The following ATXN10 variants were observed in gnomAD, a reference collection of about 807,000 sequenced individuals.
ATXN10 encodes ataxin 10.
In ATXN10, 28 loss-of-function variants were observed where a neutral mutation model predicts 52.9. The ratio of observed to expected loss-of-function variants is 0.53; its 90% CI spans 0.39 to 0.73. The LOEUF is 0.73. Among genes scored for constraint, ATXN10 ranks in the 30% least tolerant of loss-of-function variants. The pLI is 0.00. For missense variants in ATXN10, 565 were observed against 577.0 expected (o/e 0.98, Z 0.21); for synonymous variants, 226 against 221.5 (o/e 1.02, Z -0.18).
intron 1 of ATXN10, 93 bp from the exon 2 acceptor site, chr22:45,689,619 C>T (rs1029533897): frequency 1.8e-6 from 2 of 1,106,004 alleles, no homozygotes; most frequent in Admixed American, 1.8e-5. Context: ...AGCGTACCTC[C>T]CCACAATAGT....
chr22:45,729,860 A>G (rs1925021185), intron 7 of ATXN10: 2 of 441,998 alleles, frequency 4.5e-6, no homozygotes, highest in Non-Finnish European at 8.4e-6. Flanking sequence ...ATGTGCACAT[A>G]TGTATCTATT....
In ATXN10 at chr22:45,716,782, A is replaced by G. The variant is rs1181816466; in HGVS notation, c.648-1631A>G. On this transcript the variant is annotated intron_variant, in intron 5 of 11. Transcript: ENST00000252934. ...ATGACAGAAATCAATGAAACATAAG[A>G]CAAAAACAATAGAAAAAATTCACAA... Among the ~76,000 whole-genome samples, 3 of 152,230 alleles carry G rather than the reference A, an allele frequency of 2.0e-5. No homozygotes were observed. The East Asian group carries it at 5.8e-4, about 29-fold the overall frequency.
chr22:45,702,847 C>T lies in ATXN10; in HGVS notation c.647C>T (p.Pro216Leu), dbSNP rs761326302. The T allele has an allele frequency of 6.4e-5, 103 of 1,613,544 alleles. No homozygotes were observed. The Admixed American group carries it at 9.0e-4, about 14-fold the overall frequency. Residue 216 changes from proline (P) to leucine (L), a missense_variant and splice_region_variant, in exon 5 of 12, where the codon CCG becomes CTG. Pro to Leu is a moderately conservative substitution (Grantham distance 98). Transcript: ENST00000252934. ...AYQKHPESEW[P>L]FLIITDLFLK... is the part of the protein sequence containing the mutation. ...CAAAAACATCCTGAATCAGAATGGC[C>T]GTAAGTATCTTGTTAGAAATTTGAT...
chr22:45,675,893 T>C (rs1235169373), intron 1 of ATXN10: 2 of 152,212 alleles, frequency 1.3e-5, no homozygotes, highest in Non-Finnish European at 2.9e-5. Context: ...TCATATAATA[T>C]CAGTATTGAG....
chr22:45,698,299 C>T (rs1411662011), intron 3 of ATXN10, among the ~76,000 whole-genome samples: 1 of 152,172 alleles, frequency 6.6e-6, no homozygotes, highest in East Asian at 1.9e-4. Context: ...CTTGCTGACT[C>T]TTTCTTTCTG....
chr22:45,830,037 C>G (rs898382206), intron 10 of ATXN10, among the ~76,000 whole-genome samples: 1 of 152,154 alleles, frequency 6.6e-6, no homozygotes, highest in Non-Finnish European at 1.5e-5. Flanking sequence ...ACTAGTGGGA[C>G]AGAATAGAGA....
chr22:45,758,920 A>G (rs1271088590), intron 9 of ATXN10, among the ~76,000 whole-genome samples: 1 of 152,246 alleles, frequency 6.6e-6, no homozygotes, highest in Non-Finnish European at 1.5e-5. Flanking sequence ...TTATGGAGTC[A>G]TAAATCATGA....
chr22:45,807,368 A>G (rs537596672), intron 10 of ATXN10, among the ~76,000 whole-genome samples: 1 of 152,272 alleles, frequency 6.6e-6, no homozygotes, highest in East Asian at 1.9e-4. Context: ...AGTAGACACG[A>G]ACTATGGCAT....
chr22:45,693,645 T>C (rs146685045), intron 3 of ATXN10, among the ~76,000 whole-genome samples: 3 of 152,304 alleles, frequency 2.0e-5, no homozygotes, highest in Non-Finnish European at 2.9e-5. Context: ...GGCACAGATA[T>C]TCAGATCATA....
chr22:45,755,198 A>C (rs750348781), intron 9 of ATXN10, among the ~76,000 whole-genome samples: 23 of 152,206 alleles, frequency 1.5e-4, no homozygotes, highest in Non-Finnish European at 2.6e-4. Context: ...CCATTCAGAT[A>C]GTCAGAGGTG....
chr22:45,687,848 C>G (rs554993873), intron 1 of ATXN10, among the ~76,000 whole-genome samples: 8 of 152,248 alleles, frequency 5.3e-5, no homozygotes, highest in Admixed American at 2.6e-4. Flanking sequence ...ATCACGAGAT[C>G]GGGAGTTCGA....
chr22:45,694,053 C>T (rs1923489280), intron 3 of ATXN10, among the ~76,000 whole-genome samples: 1 of 152,102 alleles, frequency 6.6e-6, no homozygotes, highest in Admixed American at 6.5e-5. Context: ...CCTTAGAGAA[C>T]TCACATTCCG....
In ATXN10 at chr22:45,750,895, G is replaced by A. The variant is rs755757630; in HGVS notation, c.1173+10357G>A. On this transcript the variant is annotated intron_variant, in intron 9 of 11. Coordinates refer to ENST00000252934, the MANE Select transcript of ATXN10 (RefSeq NM_013236.4). The surrounding 1 kb of genome is among the most constrained non-coding windows in gnomAD (Gnocchi z 4.2). ...CCATGATAAGAAGAGAACATGCTCC[G>A]TTCATTAGTGATTGTAGTAATTCTT... is the stretch of plus-strand genomic sequence containing the variant. 2.6e-5 allele frequency among the ~76,000 whole-genome samples: 4 copies of A among 151,890 alleles called. No homozygotes were observed. The highest frequency in any genetic ancestry group is 9.7e-5 in the African/African-American group (4 of 41,388).
chr22:45,676,508 T>A (rs1922697119), intron 1 of ATXN10: 1 of 151,796 alleles, frequency 6.6e-6, no homozygotes, highest in Admixed American at 6.5e-5. Flanking sequence ...TGAGACAGTT[T>A]CACTCTTGTT....
At chr22:45,807,525 G>C (rs1047093449) in intron 10 of ATXN10, among the ~76,000 whole-genome samples, 1 of 152,232 alleles carries the variant, frequency 6.6e-6, no homozygotes, top group Non-Finnish European at 1.5e-5. Context: ...CATCTTCGGA[G>C]GGTTTGTCCT....
chr22:45,775,712 G>A lies in ATXN10; in HGVS notation c.1174-31247G>A, dbSNP rs923521440. On this transcript the variant is annotated intron_variant, in intron 9 of 11. Coordinates refer to ENST00000252934, the MANE Select transcript of ATXN10 (RefSeq NM_013236.4). The surrounding 1 kb of genome is among the most constrained non-coding windows in gnomAD (Gnocchi z 4.7). ...TGAGAGAGATTTAGTGAAAAACAGC[G>A]GTTGAGTAGTTTCCATGCTTCAAGT... Among the ~76,000 whole-genome samples the A allele has an allele frequency of 6.6e-6, 1 of 152,116 alleles. No homozygotes were observed. The highest frequency in any genetic ancestry group is 2.4e-5 in the African/African-American group (1 of 41,404).
intron 5 of ATXN10, among the ~76,000 whole-genome samples, chr22:45,714,035 G>A (rs958348416): frequency 2.6e-5 from 4 of 152,176 alleles, no homozygotes; most frequent in Admixed American, 1.3e-4. Flanking sequence ...CAAAAGGAAT[G>A]TACTGTTATA....
Position 45,689,771 on chromosome 22 carries a change from A to G in ATXN10, c.176A>G (p.His59Arg), listed in dbSNP as rs535668940. ...CTGGATATCCTAAAGAAATCTTCTC[A>G]TGCTGTTGAGCTTGCCTGCAGAGAT... is the stretch of plus-strand genomic sequence containing the variant. ...RVLDILKKSSHAVELACRDPS... is the reference protein window; with the variant it reads ...RVLDILKKSSRAVELACRDPS... Residue 59 changes from histidine (H) to arginine (R), a missense_variant, in exon 2 of 12, where the codon CAT (histidine) becomes CGT (arginine). Physicochemically the swap from His to Arg is conservative, Grantham distance 29. Transcript: ENST00000252934. 1 of 1,614,200 alleles carries G rather than the reference A, an allele frequency of 6.2e-7. No individual in the cohort carries two copies. The highest frequency in any genetic ancestry group is 1.3e-5 in the African/African-American group (1 of 75,056).
Position 45,763,924 on chromosome 22 carries a change from G to C in ATXN10, c.1173+23386G>C, listed in dbSNP as rs183505134. Reference sequence around the variant, plus strand: ...CCCCACCTCCCCCAGTGTCTTCCAGGCCCCCTTCTTATCTAAGGCTGCTAC... The same window carrying C: ...CCCCACCTCCCCCAGTGTCTTCCAGCCCCCCTTCTTATCTAAGGCTGCTAC... On this transcript the variant is annotated intron_variant, in intron 9 of 11. Coordinates refer to ENST00000252934, the MANE Select transcript of ATXN10 (RefSeq NM_013236.4). This position sits in a 1 kb window ranked among gnomAD's most constrained non-coding sequence, Gnocchi z 6.9. Among the ~76,000 whole-genome samples the C allele has an allele frequency of 5.3e-5, 8 of 151,606 alleles. No homozygotes were observed. Among genetic ancestry groups the C allele is most frequent in the African/African-American group, 1.7e-4 (7 of 41,282 alleles).
Sources: gnomAD v4.1 joint callset for allele counts (sites outside exome capture counted in the v4.1 genomes callset) on GRCh38, gnomAD v4.1.1 for gene constraint, Gnocchi (gnomAD v3.1) non-coding constraint, MANE v1.5 for transcripts, NCBI Gene and HGNC (gene_info 2026-07-23, HGNC 2026-07-21) for gene names.